Variants in KCTD7 observed in about 807,000 individuals in gnomAD.
KCTD7 encodes the protein BTB/POZ domain-containing protein KCTD7.
KCTD7 carries 15 observed loss-of-function variants against 27.0 expected under a neutral mutation model. The ratio of observed to expected loss-of-function variants is 0.56; its 90% CI spans 0.37 to 0.86. The LOEUF is 0.86. KCTD7 is among the 40% of genes least tolerant of loss of function. The pLI, the probability that KCTD7 is intolerant of heterozygous loss-of-function variation, is 0.00. For missense variants in KCTD7, 299 were observed against 398.9 expected (o/e 0.75, Z 2.13); for synonymous variants, 159 against 162.7 (o/e 0.98, Z 0.17).
Position 66,636,048 on chromosome 7 carries a change from G to A in KCTD7, c.315-2205G>A, listed in dbSNP as rs1421810508. Among the ~76,000 whole-genome samples the A allele has an allele frequency of 2.0e-5, 3 of 152,352 alleles. No individual in the cohort carries two copies. The East Asian group carries it at 5.8e-4, about 29-fold the overall frequency. On this transcript the variant is annotated intron_variant, in intron 2 of 3. Transcript: ENST00000639828. ...GGCATGGCAGAAAGCAGGAGATGGC[G>A]ACATTCTTACTTTGGCTGATGAGCT...
At chr7:66,630,523 G>A (rs1447038387) in intron 1 of KCTD7, among the ~76,000 whole-genome samples, 2 of 152,184 alleles carry the variant, frequency 1.3e-5, no homozygotes, top group Non-Finnish European at 2.9e-5. Context: ...AGGAGCATGT[G>A]GTATGCGGAG....
chr7:66,637,858 T>A (rs1459405526), intron 2 of KCTD7, among the ~76,000 whole-genome samples: 2 of 152,158 alleles, frequency 1.3e-5, no homozygotes, highest in Non-Finnish European at 2.9e-5. Context: ...TATTTGTACA[T>A]TTATTGAATA....
chr7:66,641,592 C>T lies in KCTD7; in HGVS notation c.*2360C>T, dbSNP rs1786719217. ...GCTGGAGAAATCCCTGTTTCTCTGA[C>T]TCCCTTTGTGATCCTCACAGTAATG... is the stretch of plus-strand genomic sequence containing the variant. On this transcript the variant is annotated 3_prime_UTR_variant, in exon 4 of 4. Coordinates refer to ENST00000639828, the MANE Select transcript of KCTD7 (RefSeq NM_153033.5). The T allele has an allele frequency of 2.0e-6, 2 of 985,330 alleles. No homozygotes were observed. The highest frequency in any genetic ancestry group is 1.7e-5 in the African/African-American group (1 of 57,244). 61.0% of individuals were successfully genotyped at this position (985,330 alleles called of 1,614,324 possible).
At chr7:66,636,815 C>T (rs553692084) in intron 2 of KCTD7, among the ~76,000 whole-genome samples, 2 of 152,222 alleles carry the variant, frequency 1.3e-5, no homozygotes, top group East Asian at 3.9e-4. Context: ...ATTAGAAGGA[C>T]TGAATTTTTA....
At position 66,639,867 on chromosome 7, in the gene KCTD7, T is replaced by A. The variant is rs1163522719; in HGVS notation, c.*635T>A. The stretch of plus-strand genomic sequence containing the variant: ...GAGATTTAACCATAGCTGCCAAAGC[T>A]ATGCACCCAGTTGGCCTTAGAAAAC... On this transcript the variant is annotated 3_prime_UTR_variant, in exon 4 of 4. Coordinates refer to ENST00000639828, the MANE Select transcript of KCTD7 (RefSeq NM_153033.5). 8.0e-7 allele frequency: 1 copy of A among 1,246,942 alleles called. No individual in the cohort carries two copies. Among genetic ancestry groups the A allele is most frequent in the Non-Finnish European group, 1.0e-6 (1 of 996,702 alleles). 77.2% of individuals were successfully genotyped at this position (1,246,942 alleles called of 1,614,324 possible). A position where few individuals can be genotyped will look rare whatever the true frequency, so the allele number is the denominator to read the frequency against.
intron 2 of KCTD7, among the ~76,000 whole-genome samples, chr7:66,635,294 AG>A (rs1786560588): frequency 6.6e-6 from 1 of 152,118 alleles, no homozygotes; most frequent in South Asian, 2.1e-4. Flanking sequence ...TTACAGGCCC[AG>A]CCTGTAGTTT....
At position 66,639,612 on chromosome 7, in the gene KCTD7, C is replaced by T; in HGVS notation, c.*380C>T. On this transcript the variant is annotated 3_prime_UTR_variant, in exon 4 of 4. Transcript: ENST00000639828. ...GTTACCAAATCGATGTAGGCCTAAT[C>T]ACTTCCTCAACCCTGTTCAAGCGTC... The T allele has an allele frequency of 7.4e-7, 1 of 1,351,568 alleles. No homozygotes were observed. Among genetic ancestry groups the T allele is most frequent in the Non-Finnish European group, 9.5e-7 (1 of 1,048,008 alleles). The allele number at this position is 1,351,568 out of a possible 1,614,324, so 83.7% of individuals were successfully genotyped here. A position where few individuals can be genotyped will look rare whatever the true frequency, so the allele number is the denominator to read the frequency against.
chr7:66,635,300 T>C (rs1358384553), intron 2 of KCTD7, among the ~76,000 whole-genome samples: 1 of 152,110 alleles, frequency 6.6e-6, no homozygotes, highest in Non-Finnish European at 1.5e-5. Context: ...GCCCAGCCTG[T>C]AGTTTGTGTC....
At chr7:66,629,630 G>A (rs1409718705) in intron 1 of KCTD7, among the ~76,000 whole-genome samples, 1 of 152,108 alleles carries the variant, frequency 6.6e-6, no homozygotes, top group African/African-American at 2.4e-5. Flanking sequence ...GAGGGCAGGA[G>A]TTGGAGGCCA....
At position 66,642,384 on chromosome 7, in the gene KCTD7, TGCCTAAG is replaced by T; in HGVS notation, c.*3155_*3161del. ...TATTCTGGGAGCTGTCTGAGCCTTG[TGCCTAAG>T]GCTTATCAGGTGATATAATCTTCCT... On this transcript the variant is annotated 3_prime_UTR_variant, in exon 4 of 4. Transcript: ENST00000639828. 1 of 985,214 alleles carries T rather than the reference TGCCTAAG, an allele frequency of 1.0e-6. No homozygotes were observed. Among genetic ancestry groups the T allele is most frequent in the Non-Finnish European group, 1.2e-6 (1 of 829,736 alleles). 61.0% of individuals were successfully genotyped at this position (985,214 alleles called of 1,614,324 possible).
At chr7:66,630,380 C>T (rs1254864778) in intron 1 of KCTD7, among the ~76,000 whole-genome samples, 1 of 152,160 alleles carries the variant, frequency 6.6e-6, no homozygotes, top group African/African-American at 2.4e-5. Flanking sequence ...GGTTTGAGGC[C>T]AGGAGTCTGG....
At position 66,642,964 on chromosome 7, in the gene KCTD7, G is replaced by C. The variant is rs1481048122; in HGVS notation, c.*3732G>C. ...TTATGTACACACTATAACACTTCCTGTGTGAGTTCATGTACCTGTCTGTGA... is the reference window on the plus strand; with the variant it reads ...TTATGTACACACTATAACACTTCCTCTGTGAGTTCATGTACCTGTCTGTGA... On this transcript the variant is annotated 3_prime_UTR_variant, in exon 4 of 4. Transcript: ENST00000639828. The C allele has an allele frequency of 1.0e-6, 1 of 985,266 alleles. No individual in the cohort carries two copies. Among genetic ancestry groups the C allele is most frequent in the Non-Finnish European group, 1.2e-6 (1 of 829,956 alleles). 61.0% of individuals were successfully genotyped at this position (985,266 alleles called of 1,614,324 possible).
In KCTD7 at chr7:66,639,545, T is replaced by G. The variant is rs1786666244; in HGVS notation, c.*313T>G. 7.3e-7 allele frequency: 1 copy of G among 1,369,240 alleles called. No homozygotes were observed. Among genetic ancestry groups the G allele is most frequent in the East Asian group, 3.0e-5 (1 of 33,872 alleles). 84.8% of individuals were successfully genotyped at this position (1,369,240 alleles called of 1,614,324 possible). A position where few individuals can be genotyped will look rare whatever the true frequency, so the allele number is the denominator to read the frequency against. ...GGAAGTCCCGAGAAGTTTTGTCACC[T>G]TCTTGACCTTGCAAGAGAGTTTCTG... On this transcript the variant is annotated 3_prime_UTR_variant, in exon 4 of 4. Coordinates refer to ENST00000639828, the MANE Select transcript of KCTD7 (RefSeq NM_153033.5).
chr7:66,635,519 C>T lies in KCTD7; in HGVS notation c.314+2075C>T, dbSNP rs571518064. Among the ~76,000 whole-genome samples the T allele has an allele frequency of 4.0e-5, 6 of 151,398 alleles. No homozygotes were observed. The South Asian group carries it at 1.0e-3, about 26-fold the overall frequency. Reference sequence around the variant, plus strand: ...GTGTGACCCCTAGCCATGTCCTTTTCAGAGTACGTGGCTGGAACTCTTAGC... The same window carrying T: ...GTGTGACCCCTAGCCATGTCCTTTTTAGAGTACGTGGCTGGAACTCTTAGC... On this transcript the variant is annotated intron_variant, in intron 2 of 3. Transcript: ENST00000639828.
At chr7:66,630,991 G>A (rs905596478) in intron 1 of KCTD7, among the ~76,000 whole-genome samples, 3 of 152,178 alleles carry the variant, frequency 2.0e-5, no homozygotes, top group Non-Finnish European at 4.4e-5. Flanking sequence ...AATGATATCT[G>A]AGCCCTTGAT....
intron 1 of KCTD7, among the ~76,000 whole-genome samples, chr7:66,631,505 G>A (rs1458863881): frequency 2.0e-5 from 3 of 150,994 alleles, no homozygotes; most frequent in Non-Finnish European, 2.9e-5. Flanking sequence ...GGAGGCAGAG[G>A]TTGCAGTGAA....
rs117194263 is a variant in KCTD7, at chr7:66,639,016, C to T, written c.654C>T (p.Asp218=). ...NSLRFERSES[D]GQLFEHHCEV... Reference sequence around the variant, plus strand: ...TGCGATTTGAGCGGAGTGAGAGTGACGGGCAGCTTTTTGAGCACCACTGTG... The same window carrying T: ...TGCGATTTGAGCGGAGTGAGAGTGATGGGCAGCTTTTTGAGCACCACTGTG... Residue 218 remains aspartate, a synonymous_variant, in exon 4 of 4, where the codon GAC becomes GAT. Transcript: ENST00000639828. The T allele has an allele frequency of 0.011, 17,246 of 1,614,114 alleles. 497 individuals are homozygous for T. Among genetic ancestry groups the T allele is most frequent in the East Asian group, 0.1 (4,572 of 44,874 alleles).
chr7:66,638,954 C>G lies in KCTD7; in HGVS notation c.592C>G (p.Pro198Ala). ...LKVCVFKEEMPITPYECPLLN... is the reference protein window; with the variant it reads ...LKVCVFKEEMAITPYECPLLN... ...GGTCTGTGTCTTCAAGGAGGAGATG[C>G]CCATCACCCCCTATGAGTGTCCGCT... is the stretch of plus-strand genomic sequence containing the variant. The change falls in exon 4 of 4, where the codon CCC becomes GCC. Residue 198 changes from proline to alanine, a missense_variant. Physicochemically the swap from Pro to Ala is conservative, Grantham distance 27. Coordinates refer to ENST00000639828, the MANE Select transcript of KCTD7 (RefSeq NM_153033.5). 6.2e-7 allele frequency: 1 copy of G among 1,614,166 alleles called. No homozygotes were observed. The highest frequency in any genetic ancestry group is 8.5e-7 in the Non-Finnish European group (1 of 1,180,006).
chr7:66,632,034 C>A (rs867182320), intron 1 of KCTD7, among the ~76,000 whole-genome samples: 1 of 152,106 alleles, frequency 6.6e-6, no homozygotes, highest in African/African-American at 2.4e-5. Context: ...ATATGACACA[C>A]GGTGAAGGCA....
Sources: allele counts gnomAD v4.1 joint callset (sites outside exome capture counted in the v4.1 genomes callset), GRCh38; gene constraint gnomAD v4.1.1; transcripts MANE v1.5; gene names NCBI Gene and HGNC (gene_info 2026-07-23, HGNC 2026-07-21).